The following TADA3 variants were observed in gnomAD, a reference collection of about 807,000 sequenced individuals.
TADA3 encodes transcriptional adaptor 3.
In TADA3, 25 loss-of-function variants were observed where a neutral mutation model predicts 43.2. That is an observed-to-expected ratio of 0.58 (90% confidence interval 0.42 to 0.81). TADA3 has a LOEUF of 0.81. Ranked by LOEUF, TADA3 falls within the 30% of genes least tolerant of loss-of-function variation. TADA3 has a pLI of 0.00. For missense variants in TADA3, 441 were observed against 567.8 expected, an observed-to-expected ratio of 0.78 and a Z score of 2.27; for synonymous variants, 235 against 225.5, an observed-to-expected ratio of 1.04 and a Z score of -0.38.
Position 9,787,087 on chromosome 3 carries a change from C to T in TADA3, c.729G>A (p.Lys243=). The change falls in exon 6 of 9, where the codon AAG becomes AAA. Residue 243 remains lysine (K), a synonymous_variant. Coordinates refer to ENST00000301964, the MANE Select transcript of TADA3 (RefSeq NM_006354.5). ...CCGGCTGTTCATGCTGGGCCTCAGACTTCTTCAGCAGGGCATCCACATCTA... is the reference window on the plus strand; with the variant it reads ...CCGGCTGTTCATGCTGGGCCTCAGATTTCTTCAGCAGGGCATCCACATCTA... The part of the protein sequence containing the change: ...DTKDVDALLK[K]SEAQHEQPED... 1 of 1,614,228 alleles carries T rather than the reference C, an allele frequency of 6.2e-7. No homozygotes were observed. The highest frequency in any genetic ancestry group is 8.5e-7 in the Non-Finnish European group (1 of 1,180,046).
In TADA3 at chr3:9,791,501, G is replaced by C. The variant is rs1197641594; in HGVS notation, c.-27-8C>G. 1.3e-6 allele frequency: 2 copies of C among 1,527,408 alleles called. No individual in the cohort carries two copies. The highest frequency in any genetic ancestry group is 1.8e-6 in the Non-Finnish European group (2 of 1,119,436). The allele number at this position is 1,527,408 out of a possible 1,614,324, so 94.6% of individuals were successfully genotyped here. A position where few individuals can be genotyped will look rare whatever the true frequency, so the allele number is the denominator to read the frequency against. Reference sequence around the variant, plus strand: ...TATGGGGATCCTGTGGAGCTGGAGAGGACAGGGCCATTGATGGGAGACAAA... The same window carrying C: ...TATGGGGATCCTGTGGAGCTGGAGACGACAGGGCCATTGATGGGAGACAAA... On this transcript the variant is annotated splice_polypyrimidine_tract_variant and splice_region_variant and intron_variant, in intron 1 of 8. Coordinates refer to ENST00000301964, the MANE Select transcript of TADA3 (RefSeq NM_006354.5).
intron 2 of TADA3, among the ~76,000 whole-genome samples, chr3:9,791,045 C>T (rs2078718483): frequency 1.3e-5 from 2 of 152,166 alleles, no homozygotes; most frequent in African/African-American, 4.8e-5. Context: ...GAGTGGGGTG[C>T]CAATAAAAGC....
chr3:9,787,079 G>A lies in TADA3; in HGVS notation c.737C>T (p.Ala246Val), dbSNP rs1031979932. The change falls in exon 6 of 9, where the codon GCC becomes GTC. Residue 246 changes from alanine (A) to valine (V), a missense_variant. Physicochemically the swap from Ala to Val is moderately conservative, Grantham distance 64 (BLOSUM62 0). Transcript: ENST00000301964. ...DVDALLKKSE[A>V]QHEQPEDGCP... Reference sequence around the variant, plus strand: ...TCCATCTTCCGGCTGTTCATGCTGGGCCTCAGACTTCTTCAGCAGGGCATC... The same window carrying A: ...TCCATCTTCCGGCTGTTCATGCTGGACCTCAGACTTCTTCAGCAGGGCATC... The A allele has an allele frequency of 1.2e-6, 2 of 1,614,234 alleles. No homozygotes were observed. The highest frequency in any genetic ancestry group is 2.2e-5 in the East Asian group (1 of 44,886).
chr3:9,789,571 C>T lies in TADA3; in HGVS notation c.502G>A (p.Glu168Lys), dbSNP rs1330111199. Residue 168 changes from glutamate (E) to lysine (K), a missense_variant, in exon 4 of 9, where the codon GAG becomes AAG. By Grantham distance (56) the Glu-to-Lys change is moderately conservative. Transcript: ENST00000301964. ...AACTCCTCAAGTGTGCGGACCTCCT[C>T]GCTGGTGATGTCAGCACAGTAGGGC... ...VEPYCADITS[E>K]EVRTLEELLK... 15 of 1,614,048 alleles carry T rather than the reference C, an allele frequency of 9.3e-6. No homozygotes were observed. The highest frequency in any genetic ancestry group is 1.3e-5 in the Non-Finnish European group (15 of 1,180,038).
chr3:9,791,488 G>A lies in TADA3; in HGVS notation c.-22C>T, dbSNP rs2078731610. 2 of 1,583,228 alleles carry A rather than the reference G, an allele frequency of 1.3e-6. No individual in the cohort carries two copies. The highest frequency in any genetic ancestry group is 1.7e-6 in the Non-Finnish European group (2 of 1,158,518). ...TCATGGCCCAGGATATGGGGATCCT[G>A]TGGAGCTGGAGAGGACAGGGCCATT... On this transcript the variant is annotated 5_prime_UTR_variant, in exon 2 of 9. Coordinates refer to ENST00000301964, the MANE Select transcript of TADA3 (RefSeq NM_006354.5).
chr3:9,780,262 C>G lies in TADA3; in HGVS notation c.*95G>C. ...CTAGAGACTGCCGCCATTTGAGGGA[C>G]AGCCACAGGCCAATGTTTCCTGTGC... On this transcript the variant is annotated 3_prime_UTR_variant, in exon 9 of 9. Transcript: ENST00000301964. 7.4e-7 allele frequency: 1 copy of G among 1,348,266 alleles called. No individual in the cohort carries two copies. The allele number at this position is 1,348,266 out of a possible 1,614,324, so 83.5% of individuals were successfully genotyped here.
chr3:9,792,811 C>T (rs1466585761), upstream of TADA3: 2 of 1,344,636 alleles, frequency 1.5e-6, no homozygotes, highest in Admixed American at 3.7e-5. Flanking sequence ...CTGGGCTGTA[C>T]CATTGCATAC....
intron 8 of TADA3, among the ~76,000 whole-genome samples, chr3:9,782,924 G>A (rs905565885): frequency 5.3e-5 from 8 of 152,172 alleles, no homozygotes; most frequent in Non-Finnish European, 1.2e-4. Flanking sequence ...TTACCTAAAG[G>A]GTAGCTATTC....
At chr3:9,790,387 G>A (rs1215713034) in intron 2 of TADA3, among the ~76,000 whole-genome samples, 13 of 152,194 alleles carry the variant, frequency 8.5e-5, no homozygotes, top group Admixed American at 8.5e-4. Flanking sequence ...CCAGGGACAA[G>A]TTAATTCCAT....
At position 9,786,406 on chromosome 3, in the gene TADA3, G is replaced by A. The variant is rs556205266; in HGVS notation, c.810+600C>T. 2.6e-5 allele frequency among the ~76,000 whole-genome samples: 4 copies of A among 152,292 alleles called. No homozygotes were observed. The East Asian group carries it at 7.7e-4, about 29-fold the overall frequency. On this transcript the variant is annotated intron_variant, in intron 6 of 8. Transcript: ENST00000301964. Reference sequence around the variant, plus strand: ...AACATGTACCCAGACTGTTCCATGAGATAAACTCTTGTGTTTGAGCCAGAA... The same window carrying A: ...AACATGTACCCAGACTGTTCCATGAAATAAACTCTTGTGTTTGAGCCAGAA...
chr3:9,792,031 G>C (rs1340565443), intron 1 of TADA3, among the ~76,000 whole-genome samples, 185 bp downstream of exon 1: 2 of 152,142 alleles, frequency 1.3e-5, no homozygotes, highest in Non-Finnish European at 2.9e-5. Flanking sequence ...ACGTGGGCTG[G>C]TAAGCCAGAC....
intron 8 of TADA3, chr3:9,783,160 ATTCT>A (rs2078519669): frequency 6.6e-6 from 1 of 152,204 alleles, no homozygotes; most frequent in African/African-American, 2.4e-5. Flanking sequence ...TTATTGTATG[ATTCT>A]TTCAGATTTT....
intron 7 of TADA3, among the ~76,000 whole-genome samples, chr3:9,784,900 T>C (rs1230882104): frequency 6.6e-6 from 1 of 151,970 alleles, no homozygotes; most frequent in Non-Finnish European, 1.5e-5. Flanking sequence ...AAGAAATATA[T>C]TTTAAGTAAA....
At chr3:9,787,142 C>G in intron 5 of TADA3, 33 bp from the exon 6 acceptor site, 1 of 1,614,148 alleles carries the variant, frequency 6.2e-7, no homozygotes, top group Non-Finnish European at 8.5e-7. Context: ...GGGAGGTGGG[C>G]TGAAGTTCTG....
intron 7 of TADA3, 44 bp downstream of exon 7, chr3:9,785,272 G>A (rs773818152): frequency 5.3e-6 from 8 of 1,505,488 alleles, no homozygotes; most frequent in Non-Finnish European, 7.4e-6. Flanking sequence ...GAAGCCAACA[G>A]AAGCGGGGGC....
At chr3:9,792,721 G>A (rs1412400380), upstream of TADA3, 3 of 1,234,458 alleles carry the variant, frequency 2.4e-6, no homozygotes, top group Non-Finnish European at 3.0e-6. Flanking sequence ...AGGGGCGAGA[G>A]AAAGGATGGG....
intron 8 of TADA3, among the ~76,000 whole-genome samples, chr3:9,780,937 G>A (rs991975624): frequency 2.0e-5 from 3 of 152,044 alleles, no homozygotes; most frequent in African/African-American, 7.3e-5. Flanking sequence ...CCAGGAGTTC[G>A]AGACCAGTCT....
Position 9,787,560 on chromosome 3 carries a change from C to A in TADA3, c.565-220G>T, listed in dbSNP as rs2078645271. The A allele has an allele frequency of 1.1e-5, 11 of 981,436 alleles. No homozygotes were observed. The South Asian group carries it at 1.7e-4, about 15-fold the overall frequency. 60.8% of individuals were successfully genotyped at this position (981,436 alleles called of 1,614,324 possible). ...AAGAACTAAGACACACACACAGAAG[C>A]CAATCTGAAATAATTCCCAAGATAG... On this transcript the variant is annotated intron_variant, in intron 4 of 8. Transcript: ENST00000301964.
intron 6 of TADA3, among the ~76,000 whole-genome samples, 174 bp downstream of exon 6, chr3:9,786,832 A>G (rs1317685807): frequency 3.3e-5 from 5 of 152,230 alleles, no homozygotes; most frequent in Non-Finnish European, 7.3e-5. Context: ...TATTAGGTGC[A>G]CAAGTTATAT....
Sources: gnomAD v4.1 joint callset for allele counts (sites outside exome capture counted in the v4.1 genomes callset) on GRCh38, gnomAD v4.1.1 for gene constraint, MANE v1.5 for transcripts, NCBI Gene and HGNC (gene_info 2026-07-23, HGNC 2026-07-21) for gene names.